MAN2B1: variants seen among roughly 807,000 people sequenced by gnomAD.
The protein encoded by MAN2B1 is lysosomal alpha-mannosidase.
Under a neutral mutation model 127.5 loss-of-function variants are expected in MAN2B1, and 99 were observed. The ratio of observed to expected loss-of-function variants is 0.78; its 90% CI spans 0.66 to 0.92. MAN2B1 has a LOEUF of 0.92. Among genes scored for constraint, MAN2B1 ranks in the 40% least tolerant of loss-of-function variants. MAN2B1 has a pLI of 0.00. For missense variants in MAN2B1, 1,304 were observed against 1,384.8 expected (o/e 0.94, Z 0.93); for synonymous variants, 573 against 568.8 (o/e 1.01, Z -0.11).
rs758041910 is a variant in MAN2B1, at chr19:12,658,348, C to T, written c.1110-4G>A. Reference sequence around the variant, plus strand: ...GAAGTCGTCATGTTTCACTGACCTACAGCGGCAGGGGCATTGAGGGCAGGG... The same window carrying T: ...GAAGTCGTCATGTTTCACTGACCTATAGCGGCAGGGGCATTGAGGGCAGGG... On this transcript the variant is annotated splice_region_variant and splice_polypyrimidine_tract_variant and intron_variant, in intron 8 of 23. Transcript: ENST00000456935. The T allele has an allele frequency of 1.2e-5, 20 of 1,614,088 alleles. No homozygotes were observed. In the South Asian group the frequency reaches 1.3e-4, roughly 11 times the overall value.
chr19:12,660,855 T>G, intron 7 of MAN2B1: 1 of 274,062 alleles, frequency 3.6e-6, no homozygotes, highest in South Asian at 3.5e-5. Context: ...GCCTCCCGGA[T>G]TCAAGAGATT....
intron 14 of MAN2B1, among the ~76,000 whole-genome samples, chr19:12,653,705 C>A (rs971320698): frequency 6.6e-6 from 1 of 152,110 alleles, no homozygotes; most frequent in Non-Finnish European, 1.5e-5. Context: ...CACACCCAGC[C>A]ATTCAACCTG....
intron 23 of MAN2B1, 34 bp from the exon 24 acceptor site, chr19:12,646,766 G>A (rs1156459242): frequency 1.4e-6 from 2 of 1,439,608 alleles, no homozygotes; most frequent in Admixed American, 1.7e-5. Context: ...GGAGTGAGGA[G>A]GTGCAGACTT....
rs540367946 is a variant in MAN2B1 at position 12,657,441 on chromosome 19, C to T, written c.1419+5G>A. 1.3e-4 allele frequency: 195 copies of T among 1,548,692 alleles called. No homozygotes were observed. The highest frequency in any genetic ancestry group is 1.6e-4 in the Non-Finnish European group (189 of 1,146,722). ...CCCGTGTCTCCCAAGTCTCGCCCCG[C>T]GCACCTCGCAAGGCCCCCAGCCTGC... is the stretch of plus-strand genomic sequence containing the variant. On this transcript the variant is annotated splice_donor_5th_base_variant and intron_variant, in intron 11 of 23. Coordinates refer to ENST00000456935, the MANE Select transcript of MAN2B1 (RefSeq NM_000528.4).
intron 6 of MAN2B1, 129 bp from the exon 7 acceptor site, chr19:12,661,505 C>T (rs190751282): frequency 1.1e-5 from 8 of 740,498 alleles, no homozygotes; most frequent in Admixed American, 1.8e-5. Flanking sequence ...CACTTGGGAG[C>T]GTGGGGACAC....
chr19:12,652,618 A>T (rs4804205), intron 14 of MAN2B1, among the ~76,000 whole-genome samples, 158 bp from the exon 15 acceptor site: 4 of 143,560 alleles, frequency 2.8e-5, no homozygotes, highest in Non-Finnish European at 6.0e-5. Context: ...TGCACCCCCC[A>T]CCTCCCGGGT....
At chr19:12,654,878 C>G (rs916813693) in intron 14 of MAN2B1, among the ~76,000 whole-genome samples, 2 of 152,106 alleles carry the variant, frequency 1.3e-5, no homozygotes, top group African/African-American at 4.8e-5. Flanking sequence ...GTTGCCCAAG[C>G]TGGTCTCAAA....
chr19:12,650,650 G>A (rs10404858), intron 16 of MAN2B1, among the ~76,000 whole-genome samples: 5,256 of 142,836 alleles, frequency 0.037, 130 homozygotes, highest in East Asian at 0.11. Context: ...GAGCCACCGC[G>A]CCTGGCCCAC....
Position 12,663,714 on chromosome 19 carries a change from T to A in MAN2B1, c.752A>T (p.Asp251Val), listed in dbSNP as rs754932497. ...ACCAAGCCCCCTACCAGTGAAGAGG[T>A]CCGCGGTCGGGGGCTTCAGGCTGGT... ...ASTSLKPPTADLFTGVLPNGY... is the reference protein window; with the variant it reads ...ASTSLKPPTAVLFTGVLPNGY... The change falls in exon 5 of 24, where the codon GAC becomes GTC. Residue 251 changes from aspartate (D) to valine (V), a missense_variant. Coordinates refer to ENST00000456935, the MANE Select transcript of MAN2B1 (RefSeq NM_000528.4). 1.1e-5 allele frequency: 17 copies of A among 1,610,790 alleles called. No homozygotes were observed. Among genetic ancestry groups the A allele is most frequent in the Non-Finnish European group, 1.4e-5 (16 of 1,178,938 alleles).
chr19:12,665,031 G>A (rs779468493), intron 3 of MAN2B1, 46 bp from the exon 4 acceptor site: 2 of 1,552,154 alleles, frequency 1.3e-6, no homozygotes, highest in East Asian at 4.5e-5. Context: ...AGAGCCAGGA[G>A]TGGGAGTAGG....
intron 14 of MAN2B1, among the ~76,000 whole-genome samples, chr19:12,653,137 G>GTTTTT (rs1457687018): frequency 7.9e-6 from 1 of 126,872 alleles, no homozygotes; most frequent in Non-Finnish European, 1.7e-5. Context: ...CCTGGCCTGG[G>GTTTTT]TTTTTTGTTT....
intron 10 of MAN2B1, 53 bp from the exon 11 acceptor site, chr19:12,657,608 C>A: frequency 6.9e-7 from 1 of 1,441,178 alleles, no homozygotes; most frequent in South Asian, 1.2e-5. Flanking sequence ...GCTGAGACCC[C>A]AAGGGGAAGC....
At chr19:12,646,906 C>CAAT in intron 23 of MAN2B1, 174 bp from the exon 24 acceptor site, 1 of 630,178 alleles carries the variant, frequency 1.6e-6, no homozygotes, top group South Asian at 1.9e-5. Flanking sequence ...CCCCCAGGTC[C>CAAT]AATGTCCTCA....
In MAN2B1 at chr19:12,650,188, G is replaced by A; in HGVS notation, c.2081C>T (p.Ser694Leu). Residue 694 changes from serine to leucine, a missense_variant, in exon 17 of 24, where the codon TCA becomes TTA. Ser to Leu is a moderately radical substitution (Grantham distance 145). Transcript: ENST00000456935. ...PLVQEVHQNF[S>L]AWCSQVVRLY... ...GCGAACCACCTGGGAACACCAAGCT[G>A]AGAAGTTCTGGTGCACCTCCTGCAC... 2 of 1,613,934 alleles carry A rather than the reference G, an allele frequency of 1.2e-6. No homozygotes were observed. Among genetic ancestry groups the A allele is most frequent in the Non-Finnish European group, 1.7e-6 (2 of 1,179,976 alleles).
intron 14 of MAN2B1, 73 bp from the exon 15 acceptor site, chr19:12,652,533 T>TTTA: frequency 9.8e-7 from 1 of 1,016,966 alleles, no homozygotes; most frequent in Non-Finnish European, 1.4e-6. Flanking sequence ...ATTTTTCTTT[T>TTTA]TTCTTTTTTT....
At position 12,657,035 on chromosome 19, in the gene MAN2B1, C is replaced by A. The variant is rs34544747; in HGVS notation, c.1441G>T (p.Ala481Ser). 0.024 allele frequency: 38,427 copies of A among 1,611,712 alleles called. 1,856 individuals carry two copies. The highest frequency in any genetic ancestry group is 0.2 in the African/African-American group (14,977 of 74,946). Reference protein sequence around the residue: ...PCEVLLSNALARLRGFKDHFT... With the variant: ...PCEVLLSNALSRLRGFKDHFT... ...TGATCTTTGAAGCCTCTGAGCCGCG[C>A]CAGCGCGTTGCTCAGAAGAACCTGC... is the stretch of plus-strand genomic sequence containing the variant. Residue 481 changes from alanine (A) to serine (S), a missense_variant, in exon 12 of 24, where the codon GCG becomes TCG. Transcript: ENST00000456935.
chr19:12,650,008 G>C lies in MAN2B1; in HGVS notation c.2172C>G (p.Thr724=). 1.9e-6 allele frequency: 3 copies of C among 1,613,892 alleles called. No homozygotes were observed. The highest frequency in any genetic ancestry group is 1.7e-6 in the Non-Finnish European group (2 of 1,179,910). The part of the protein sequence containing the change: ...WSVGPIPVGD[T]WGKEVISRFD... ...AACGGCTGATGACCTCCTTCCCCCA[G>C]GTGTCGCTGTACCCAATGGGATGGC... Residue 724 remains threonine (T), a synonymous_variant, in exon 18 of 24, where the codon ACC becomes ACG. Coordinates refer to ENST00000456935, the MANE Select transcript of MAN2B1 (RefSeq NM_000528.4).
chr19:12,652,178 C>A lies in MAN2B1; in HGVS notation c.2021G>T (p.Arg674Leu). ...CTTCACCAGGTGGATCTGAGCCCAG[C>A]GGCTCACAGGCAGCGGTTTCTGTTG... ...PNQQKPLPVSRWAQIHLVKTP... is the reference protein window; with the variant it reads ...PNQQKPLPVSLWAQIHLVKTP... Residue 674 changes from arginine (R) to leucine (L), a missense_variant, in exon 16 of 24, where the codon CGC becomes CTC. Physicochemically the swap from Arg to Leu is moderately radical, Grantham distance 102. Transcript: ENST00000456935. 1 of 1,613,846 alleles carries A rather than the reference C, an allele frequency of 6.2e-7. No homozygotes were observed. Among genetic ancestry groups the A allele is most frequent in the African/African-American group, 1.3e-5 (1 of 75,056 alleles).
At chr19:12,662,313 GA>G (rs912450783) in intron 6 of MAN2B1, among the ~76,000 whole-genome samples, 1 of 151,836 alleles carries the variant, frequency 6.6e-6, no homozygotes, top group Non-Finnish European at 1.5e-5. Context: ...TTATCTCTGT[GA>G]AAAAATAATG....
Sources: gnomAD v4.1 joint callset for allele counts (sites outside exome capture counted in the v4.1 genomes callset) on GRCh38, gnomAD v4.1.1 for gene constraint, MANE v1.5 for transcripts, NCBI Gene and HGNC (gene_info 2026-07-23, HGNC 2026-07-21) for gene names.